Variants in PTPRT observed in about 807,000 individuals in gnomAD.
The protein encoded by PTPRT is protein tyrosine phosphatase receptor type T.
Under a neutral mutation model 176.8 loss-of-function variants are expected in PTPRT, and 56 were observed. The observed-to-expected ratio is 0.32, with a 90% CI of 0.26 to 0.40. The LOEUF is 0.40. Ranked by LOEUF, PTPRT falls within the 10% of genes least tolerant of loss-of-function variation. The probability of loss-of-function intolerance (pLI) is 1.00; values close to 1 mark genes in which losing one functional copy is unlikely to be tolerated. For synonymous variants in PTPRT, 783 were observed against 739.0 expected (o/e 1.06, Z -0.96); for missense variants, 1,540 against 1,908.2 (o/e 0.81, Z 3.60).
chr20:42,460,628 G>A (rs1171071258), intron 8 of PTPRT, among the ~76,000 whole-genome samples: 1 of 152,116 alleles, frequency 6.6e-6, no homozygotes, highest in Non-Finnish European at 1.5e-5. Flanking sequence ...AATTCATGGG[G>A]GCCATTTCTC....
intron 7 of PTPRT, among the ~76,000 whole-genome samples, chr20:42,643,683 G>C (rs1368087822): frequency 6.6e-6 from 1 of 152,046 alleles, no homozygotes; most frequent in Non-Finnish European, 1.5e-5. Context: ...CTTACAGTTA[G>C]TGATGGGCAA....
chr20:42,839,371 A>G (rs999742341), intron 2 of PTPRT, among the ~76,000 whole-genome samples: 2 of 151,988 alleles, frequency 1.3e-5, no homozygotes. Flanking sequence ...GGAAAAAAAG[A>G]AAAGAAAAAG....
At chr20:42,476,116 A>G (rs1385462429) in intron 7 of PTPRT, among the ~76,000 whole-genome samples, 2 of 152,236 alleles carry the variant, frequency 1.3e-5, no homozygotes, top group African/African-American at 4.8e-5. Flanking sequence ...TGAGCATAAA[A>G]TGAACTGTAA....
rs562383809 is a variant in PTPRT, at chr20:42,880,686, G to A, written c.214+5121C>T. Among the ~76,000 whole-genome samples, 9 of 152,300 alleles carry A rather than the reference G, an allele frequency of 5.9e-5. No individual in the cohort carries two copies. The East Asian group carries it at 1.7e-3, about 29-fold the overall frequency. On this transcript the variant is annotated intron_variant, in intron 2 of 30. Coordinates refer to ENST00000373187, the MANE Select transcript of PTPRT (RefSeq NM_007050.6). The stretch of plus-strand genomic sequence containing the variant: ...TAGCTGTAGTTAGTTCCATAGGCAG[G>A]ATAGACAGCTAGAGAGAGGGTTTGT...
At position 42,076,554 on chromosome 20, in the gene PTPRT, A is replaced by T. The variant is rs1362374425; in HGVS notation, c.*4325T>A. 4 of 198,456 alleles carry T rather than the reference A, an allele frequency of 2.0e-5. No homozygotes were observed. In the East Asian group the frequency reaches 3.1e-4, roughly 15 times the overall value. 12.3% of individuals were successfully genotyped at this position (198,456 alleles called of 1,614,324 possible). On this transcript the variant is annotated 3_prime_UTR_variant, in exon 31 of 31. Coordinates refer to ENST00000373187, the MANE Select transcript of PTPRT (RefSeq NM_007050.6). ...TGAACAGTGAGGTCAGAGCACCCAC[A>T]CACCAAAGGAGCTGCCTAGGAGAAG... is the stretch of plus-strand genomic sequence containing the variant.
At chr20:43,153,824 A>G (rs527998738) in intron 1 of PTPRT, among the ~76,000 whole-genome samples, 3 of 152,360 alleles carry the variant, frequency 2.0e-5, no homozygotes, top group African/African-American at 7.2e-5. Flanking sequence ...CAAGCTCAGC[A>G]CAGAGAAGGC....
At chr20:42,572,047 G>A (rs921548060) in intron 7 of PTPRT, among the ~76,000 whole-genome samples, 14 of 152,136 alleles carry the variant, frequency 9.2e-5, no homozygotes, top group Admixed American at 7.9e-4. Flanking sequence ...CTGGGGACTG[G>A]GAAGTCCAAG....
At chr20:42,612,524 T>G (rs958287643) in intron 7 of PTPRT, among the ~76,000 whole-genome samples, 16 of 152,124 alleles carry the variant, frequency 1.1e-4, no homozygotes, top group African/African-American at 3.4e-4. Flanking sequence ...CATTTCTGTT[T>G]CCATCAAATC....
At chr20:42,902,637 C>G (rs1373217783) in intron 1 of PTPRT, among the ~76,000 whole-genome samples, 3 of 152,180 alleles carry the variant, frequency 2.0e-5, no homozygotes, top group African/African-American at 7.2e-5. Flanking sequence ...CTTATTTTGT[C>G]CTTAGAGAAG....
chr20:42,591,229 A>AT (rs1476011065), intron 7 of PTPRT, among the ~76,000 whole-genome samples: 3 of 152,112 alleles, frequency 2.0e-5, no homozygotes, highest in Non-Finnish European at 4.4e-5. Flanking sequence ...TGACTACATG[A>AT]TAAAAAAAAA....
chr20:42,184,515 C>T (rs1208467789), intron 16 of PTPRT, among the ~76,000 whole-genome samples: 20 of 71,572 alleles, frequency 2.8e-4, no homozygotes, highest in African/African-American at 8.3e-4. Context: ...TCCTCCTCCT[C>T]CTCCTTCTTC....
At chr20:42,446,580 A>ATGTGTGTGTGTGTGTGTGTG (rs372328206) in intron 9 of PTPRT, among the ~76,000 whole-genome samples, 3 of 139,568 alleles carry the variant, frequency 2.1e-5, no homozygotes, top group African/African-American at 8.3e-5. Context: ...TTTCATGTAA[A>ATGTGTGTGTGTGTGTGTGTG]TGTGTGTGTG....
rs56329932 is a variant in PTPRT at position 42,169,743 on chromosome 20, AACACACAC to A, written c.2492-8209_2492-8202del. Among the ~76,000 whole-genome samples, 308 of 104,634 alleles carry A rather than the reference AACACACAC, an allele frequency of 2.9e-3. 1 individual carries two copies. The highest frequency in any genetic ancestry group is 6.1e-3 in the Middle Eastern group (1 of 164). 68.6% of individuals were successfully genotyped at this position (104,634 alleles called of 152,430 possible). ...GATACCGTGAAAAGTACAATTTTCA[AACACACAC>A]ACACACACACACACACACACACACA... On this transcript the variant is annotated intron_variant, in intron 16 of 30. Transcript: ENST00000373187.
chr20:42,686,582 C>G (rs918861769), intron 6 of PTPRT, among the ~76,000 whole-genome samples: 1 of 145,640 alleles, frequency 6.9e-6, no homozygotes, highest in Non-Finnish European at 1.5e-5. Flanking sequence ...CTCCCGGGTT[C>G]AAGTGATTCT....
At chr20:42,547,499 G>A (rs188129838) in intron 7 of PTPRT, among the ~76,000 whole-genome samples, 4 of 152,072 alleles carry the variant, frequency 2.6e-5, no homozygotes, top group East Asian at 1.9e-4. Context: ...AAAGCAAGTC[G>A]AGTCTTAGAA....
chr20:42,893,023 G>T (rs950628397), intron 1 of PTPRT, among the ~76,000 whole-genome samples: 12 of 152,114 alleles, frequency 7.9e-5, no homozygotes, highest in African/African-American at 2.7e-4. Context: ...TAAGAGCGAA[G>T]AACTCAGAAA....
rs558756124 is a variant in PTPRT, at chr20:42,467,729, A to G, written c.1450+4537T>C. Among the ~76,000 whole-genome samples, 38 of 149,200 alleles carry G rather than the reference A, an allele frequency of 2.5e-4. No homozygotes were observed. In the South Asian group the frequency reaches 5.6e-3, roughly 22 times the overall value. ...AGCATATGTCACCTATCATGTAGAT[A>G]TAAGATACACACACATGAGTAAATG... On this transcript the variant is annotated intron_variant, in intron 8 of 30. Transcript: ENST00000373187.
chr20:43,103,794 G>A (rs2012490241), intron 1 of PTPRT, among the ~76,000 whole-genome samples: 1 of 130,546 alleles, frequency 7.7e-6, no homozygotes, highest in South Asian at 2.3e-4. Context: ...AGATTCCTTA[G>A]GGTAGTAATA....
chr20:42,846,864 A>G (rs1051591423), intron 2 of PTPRT, among the ~76,000 whole-genome samples: 6 of 152,186 alleles, frequency 3.9e-5, no homozygotes, highest in Non-Finnish European at 7.3e-5. Flanking sequence ...CCTCGAAAAG[A>G]ATCAATGGAA....
Sources: gnomAD v4.1 joint callset for allele counts (sites outside exome capture counted in the v4.1 genomes callset) on GRCh38, gnomAD v4.1.1 for gene constraint, MANE v1.5 for transcripts, NCBI Gene and HGNC (gene_info 2026-07-23, HGNC 2026-07-21) for gene names.